Variants in PTPRZ1 observed in about 807,000 individuals in gnomAD.
The protein encoded by PTPRZ1 is protein tyrosine phosphatase receptor type Z1.
In PTPRZ1, 82 loss-of-function variants were observed where a neutral mutation model predicts 214.1. That is an observed-to-expected ratio of 0.38 (90% CI 0.32 to 0.46). PTPRZ1 has a LOEUF of 0.46. PTPRZ1 is among the 20% of genes least tolerant of loss of function. The pLI is 1.00. For synonymous variants in PTPRZ1, 945 were observed against 987.9 expected (o/e 0.96, Z 0.81); for missense variants, 2,603 against 2,748.7 (o/e 0.95, Z 1.19).
rs188103576 is a variant in PTPRZ1, at chr7:121,939,466, A to G, written c.124+11245A>G. Among the ~76,000 whole-genome samples, 568 of 152,382 alleles carry G rather than the reference A, an allele frequency of 3.7e-3. 3 individuals carry two copies. Among genetic ancestry groups the G allele is most frequent in the African/African-American group, 0.013 (533 of 41,588 alleles). On this transcript the variant is annotated intron_variant, in intron 2 of 29. Transcript: ENST00000393386. ...ATCTATTTGCAGCACTTTGAAAAAA[A>G]TAAATAAATGACATGTAGTTTTTCT...
At position 121,873,438 on chromosome 7, in the gene PTPRZ1, C is replaced by A. The variant is rs1793945365; in HGVS notation, c.-62C>A. 1.5e-5 allele frequency: 23 copies of A among 1,552,410 alleles called. No individual in the cohort carries two copies. The highest frequency in any genetic ancestry group is 2.0e-5 in the Non-Finnish European group (23 of 1,129,074). On this transcript the variant is annotated 5_prime_UTR_variant, in exon 1 of 30. Transcript: ENST00000393386. Reference sequence around the variant, plus strand: ...CAAAAAAAACATTTCCTTCGCTCCCCCTCCCTCTCCACTCTGAGAAGCAGA... The same window carrying A: ...CAAAAAAAACATTTCCTTCGCTCCCACTCCCTCTCCACTCTGAGAAGCAGA...
At chr7:122,054,414 TA>T (rs1039947373) in intron 26 of PTPRZ1, among the ~76,000 whole-genome samples, 1 of 151,828 alleles carries the variant, frequency 6.6e-6, no homozygotes, top group African/African-American at 2.4e-5. Context: ...ATTTTTTCTT[TA>T]AAAAAAAGAC....
At chr7:122,044,319 C>T in intron 22 of PTPRZ1, 103 bp from the exon 23 acceptor site, 1 of 1,360,858 alleles carries the variant, frequency 7.3e-7, no homozygotes, top group Non-Finnish European at 1.0e-6. Flanking sequence ...TTCCCCCATT[C>T]TGTAAAACTC....
chr7:122,008,031 C>G (rs1311255933), intron 11 of PTPRZ1, among the ~76,000 whole-genome samples: 1 of 151,966 alleles, frequency 6.6e-6, no homozygotes, highest in African/African-American at 2.4e-5. Context: ...GTTTATAGAA[C>G]GCATATGTAT....
chr7:122,049,580 T>C (rs1274143764), intron 23 of PTPRZ1, among the ~76,000 whole-genome samples: 2 of 151,878 alleles, frequency 1.3e-5, no homozygotes, highest in Admixed American at 1.3e-4. Flanking sequence ...CTTCATCATC[T>C]CAAAAAAGAC....
At chr7:121,957,369 G>A (rs1415786447) in intron 2 of PTPRZ1, among the ~76,000 whole-genome samples, 1 of 152,142 alleles carries the variant, frequency 6.6e-6, no homozygotes, top group Non-Finnish European at 1.5e-5. Context: ...GGATGCAGCT[G>A]GGCACGGAAT....
At chr7:121,890,815 A>G (rs962894935) in intron 1 of PTPRZ1, among the ~76,000 whole-genome samples, 21 of 152,020 alleles carry the variant, frequency 1.4e-4, no homozygotes, top group Non-Finnish European at 2.8e-4. Context: ...GACTACAGGC[A>G]TGTGCTACCA....
At chr7:121,970,333 G>C (rs1797198948) in intron 3 of PTPRZ1, among the ~76,000 whole-genome samples, 1 of 152,004 alleles carries the variant, frequency 6.6e-6, no homozygotes, top group South Asian at 2.1e-4. Flanking sequence ...GGGATGGCTG[G>C]GTCAAATGGT....
At chr7:122,051,299 T>A (rs1450179556) in intron 23 of PTPRZ1, 129 bp from the exon 24 acceptor site, 5 of 516,796 alleles carry the variant, frequency 9.7e-6, no homozygotes, top group Admixed American at 3.8e-5. Flanking sequence ...GGAAAACATT[T>A]CATATATATT....
chr7:122,051,607 G>T, intron 24 of PTPRZ1, 86 bp downstream of exon 24: 1 of 1,055,438 alleles, frequency 9.5e-7, no homozygotes, highest in East Asian at 2.4e-5. Context: ...TATACCTTTG[G>T]AGCAAATGGA....
chr7:122,029,059 G>A (rs1799291326), intron 14 of PTPRZ1, among the ~76,000 whole-genome samples: 1 of 150,706 alleles, frequency 6.6e-6, no homozygotes, highest in South Asian at 2.1e-4. Context: ...ATAAAGTCTT[G>A]TTCCTTTCTG....
At chr7:121,918,154 G>C (rs1387037985) in intron 1 of PTPRZ1, among the ~76,000 whole-genome samples, 1 of 152,082 alleles carries the variant, frequency 6.6e-6, no homozygotes, top group Non-Finnish European at 1.5e-5. Flanking sequence ...CAGTGAATCA[G>C]TCAGCATCCT....
At chr7:121,899,407 A>G (rs1313133250) in intron 1 of PTPRZ1, among the ~76,000 whole-genome samples, 1 of 152,224 alleles carries the variant, frequency 6.6e-6, no homozygotes, top group Non-Finnish European at 1.5e-5. Flanking sequence ...TATGTAACAT[A>G]AAATATATGG....
chr7:122,011,996 C>G lies in PTPRZ1; in HGVS notation c.2950C>G (p.Leu984Val). 1 of 1,614,178 alleles carries G rather than the reference C, an allele frequency of 6.2e-7. No individual in the cohort carries two copies. Among genetic ancestry groups the G allele is most frequent in the Non-Finnish European group, 8.5e-7 (1 of 1,179,972 alleles). ...GTTAATAACCCCAACTGCATCATTA[C>G]TGCAGCCTACTCATGCCCTCTCTGG... ...SSLITPTASL[L>V]QPTHALSGDG... Residue 984 changes from leucine to valine, a missense_variant, in exon 12 of 30, where the codon CTG (leucine) becomes GTG (valine). This residue lies in a region of PTPRZ1 where 1,913 missense variants were observed against 1,914.3 expected (regional missense o/e 1.00). Coordinates refer to ENST00000393386, the MANE Select transcript of PTPRZ1 (RefSeq NM_002851.3).
chr7:121,933,333 A>G (rs967239850), intron 2 of PTPRZ1, among the ~76,000 whole-genome samples: 4 of 152,134 alleles, frequency 2.6e-5, no homozygotes, highest in African/African-American at 7.2e-5. Context: ...CTTTATTCTT[A>G]GAAGTAGTAC....
chr7:121,929,764 C>T (rs906006183), intron 2 of PTPRZ1, among the ~76,000 whole-genome samples: 7 of 151,078 alleles, frequency 4.6e-5, no homozygotes, highest in East Asian at 3.9e-4. Flanking sequence ...GCCGAGATCA[C>T]GCCACTGCAC....
intron 1 of PTPRZ1, among the ~76,000 whole-genome samples, chr7:121,877,974 A>G (rs1421490223): frequency 6.6e-6 from 1 of 150,528 alleles, no homozygotes; most frequent in African/African-American, 2.4e-5. Context: ...GTGTTTGTGT[A>G]TATATATATA....
At chr7:121,979,634 A>G (rs1362973316) in intron 6 of PTPRZ1, among the ~76,000 whole-genome samples, 1 of 152,102 alleles carries the variant, frequency 6.6e-6, no homozygotes, top group Non-Finnish European at 1.5e-5. Flanking sequence ...TTCTTCCACC[A>G]TTAGCCTTCT....
chr7:121,957,148 C>A (rs1796733135), intron 2 of PTPRZ1, among the ~76,000 whole-genome samples: 1 of 152,184 alleles, frequency 6.6e-6, no homozygotes, highest in Admixed American at 6.5e-5. Flanking sequence ...ATCATCTTTT[C>A]CCTTTTTCCC....
Sources: allele counts gnomAD v4.1 joint callset (sites outside exome capture counted in the v4.1 genomes callset), GRCh38; gene constraint gnomAD v4.1.1; regional missense constraint gnomAD v4.1.1; transcripts MANE v1.5; gene names NCBI Gene and HGNC (gene_info 2026-07-23, HGNC 2026-07-21).